Variants in AXDND1 observed in about 807,000 individuals in gnomAD.
The protein encoded by AXDND1 is axonemal dynein light chain domain-containing protein 1.
In AXDND1, 110 loss-of-function variants were observed where a neutral mutation model predicts 137.5. The observed-to-expected ratio is 0.80, with a 90% CI of 0.69 to 0.94. The LOEUF is 0.94. Among genes scored for constraint, AXDND1 ranks in the 40% least tolerant of loss-of-function variants. The pLI is 0.00. For missense variants in AXDND1, 1,191 were observed against 1,169.8 expected (o/e 1.02, Z -0.26); for synonymous variants, 414 against 399.7 (o/e 1.04, Z -0.43).
At chr1:179,394,094 C>T (rs1330252013) in intron 10 of AXDND1, 51 bp downstream of exon 10, 3 of 1,493,198 alleles carry the variant, frequency 2.0e-6, no homozygotes, top group Non-Finnish European at 1.8e-6. Context: ...TGTCATGTCT[C>T]TAAAGGGAGT....
chr1:179,370,005 TG>T lies in AXDND1; in HGVS notation c.303del (p.Trp101CysfsTer13). On this transcript the variant is annotated frameshift_variant, in exon 4 of 26. Transcript: ENST00000367618. LOFTEE classifies it high-confidence loss of function. ...TCTTCCACGCCTTGTAGACCATGTC[TG>T]GCATCACCCTGTTCGAAGGAATAAA... Reference protein sequence around the residue: ...GTLPRLVDHVWHHPVRRNKFK... With the variant: ...GTLPRLVDHVXHHPVRRNKFK... 6.2e-7 allele frequency: 1 copy of T among 1,614,116 alleles called. No homozygotes were observed. Among genetic ancestry groups the T allele is most frequent in the Non-Finnish European group, 8.5e-7 (1 of 1,179,998 alleles).
chr1:179,516,961 G>A (rs1327490085), intron 21 of AXDND1, among the ~76,000 whole-genome samples: 2 of 152,186 alleles, frequency 1.3e-5, no homozygotes, highest in Non-Finnish European at 2.9e-5. Context: ...TTTCCAAAGA[G>A]CATCAGCTGT....
At chr1:179,512,076 C>A (rs1669110547) in intron 21 of AXDND1, among the ~76,000 whole-genome samples, 1 of 152,116 alleles carries the variant, frequency 6.6e-6, no homozygotes, top group South Asian at 2.1e-4. Flanking sequence ...TAATTAAGCC[C>A]CAGCTATTTA....
intron 16 of AXDND1, chr1:179,456,436 T>C: frequency 1.3e-6 from 1 of 767,766 alleles, no homozygotes; most frequent in Non-Finnish European, 2.4e-6. Flanking sequence ...CTGCTTCCAC[T>C]ACCACCACCA....
chr1:179,368,277 A>C (rs575840439), intron 2 of AXDND1, among the ~76,000 whole-genome samples: 2 of 151,760 alleles, frequency 1.3e-5, no homozygotes, highest in Non-Finnish European at 2.9e-5. Flanking sequence ...AGATTGTTCC[A>C]CTCTCATTTG....
chr1:179,460,062 C>CT (rs1212981611), intron 16 of AXDND1, among the ~76,000 whole-genome samples: 6 of 138,988 alleles, frequency 4.3e-5, no homozygotes, highest in Admixed American at 3.7e-4. Context: ...TATTCTTATC[C>CT]TTTAAGTTCT....
chr1:179,533,412 G>C (rs1671208903), intron 23 of AXDND1, among the ~76,000 whole-genome samples: 2 of 152,128 alleles, frequency 1.3e-5, no homozygotes. Context: ...TTATTAGTAA[G>C]ACAGATATAC....
intron 25 of AXDND1, chr1:179,544,669 A>C (rs1463744504): frequency 1.3e-5 from 1 of 79,558 alleles, no homozygotes; most frequent in East Asian, 3.7e-4. Context: ...GCAAGACTCC[A>C]TCTCAAAAAA....
intron 21 of AXDND1, among the ~76,000 whole-genome samples, chr1:179,519,158 C>T (rs1176892403): frequency 2.0e-5 from 3 of 152,124 alleles, no homozygotes; most frequent in Non-Finnish European, 4.4e-5. Context: ...TGAGCTTTTT[C>T]TCATATGATT....
chr1:179,403,850 T>G (rs1283129131), intron 11 of AXDND1, among the ~76,000 whole-genome samples: 2 of 152,220 alleles, frequency 1.3e-5, no homozygotes, highest in Non-Finnish European at 2.9e-5. Context: ...GTGCTGAGAT[T>G]ACAGGCATGA....
intron 15 of AXDND1, among the ~76,000 whole-genome samples, chr1:179,432,963 G>A (rs1159039523): frequency 6.6e-6 from 1 of 152,150 alleles, no homozygotes; most frequent in Non-Finnish European, 1.5e-5. Context: ...AGTGCTCAGG[G>A]ACTTTAAAAA....
intron 18 of AXDND1, among the ~76,000 whole-genome samples, chr1:179,488,659 CTTTCT>C (rs1558256847): frequency 9.7e-6 from 1 of 103,498 alleles, no homozygotes; most frequent in African/African-American, 4.5e-5. Flanking sequence ...TTCTTTCTTT[CTTTCT>C]TTCTTTCTTT....
chr1:179,490,759 C>T (rs553652426), intron 18 of AXDND1, among the ~76,000 whole-genome samples: 1 of 68,840 alleles, frequency 1.5e-5, no homozygotes, highest in South Asian at 5.8e-4. Flanking sequence ...TCACACAGTA[C>T]TTGTTTTTTT....
intron 9 of AXDND1, among the ~76,000 whole-genome samples, chr1:179,387,335 C>G (rs1318846904): frequency 1.3e-5 from 2 of 152,042 alleles, no homozygotes; most frequent in Non-Finnish European, 2.9e-5. Flanking sequence ...CATAACATGA[C>G]AGAAAGTGAG....
chr1:179,435,372 C>T (rs530754153), intron 15 of AXDND1, among the ~76,000 whole-genome samples: 56 of 152,100 alleles, frequency 3.7e-4, no homozygotes, highest in Middle Eastern at 3.2e-3. Context: ...CAAAAAAGAG[C>T]GCATATTGCT....
intron 11 of AXDND1, among the ~76,000 whole-genome samples, chr1:179,407,314 G>A (rs762018884): frequency 2.0e-5 from 3 of 150,866 alleles, no homozygotes; most frequent in Admixed American, 1.3e-4. Context: ...TACAACCTCC[G>A]TTTCCCTGGT....
At chr1:179,379,273 T>A (rs1647806076) in intron 5 of AXDND1, 124 bp from the exon 6 acceptor site, 23 of 1,012,634 alleles carry the variant, frequency 2.3e-5, no homozygotes, top group Non-Finnish European at 3.2e-5. Context: ...TTGTTATTTC[T>A]CCAATCAAAA....
At chr1:179,427,449 C>T (rs926567787) in intron 12 of AXDND1, among the ~76,000 whole-genome samples, 2 of 152,186 alleles carry the variant, frequency 1.3e-5, no homozygotes, top group East Asian at 3.9e-4. Flanking sequence ...TGTTATGTGT[C>T]AGACATTATG....
chr1:179,409,856 G>A (rs946189076), intron 11 of AXDND1, among the ~76,000 whole-genome samples: 11 of 151,910 alleles, frequency 7.2e-5, no homozygotes, highest in African/African-American at 2.2e-4. Context: ...ATATGATGAT[G>A]TTTAATTATC....
Sources: allele counts gnomAD v4.1 joint callset (sites outside exome capture counted in the v4.1 genomes callset), GRCh38; gene constraint gnomAD v4.1.1; transcripts MANE v1.5; gene names NCBI Gene and HGNC (gene_info 2026-07-23, HGNC 2026-07-21).